Variants in RCHY1 observed in about 807,000 individuals in gnomAD.
RCHY1 encodes the protein RING finger and CHY zinc finger domain-containing protein 1.
In RCHY1, 21 loss-of-function variants were observed where a neutral mutation model predicts 41.6. The ratio of observed to expected loss-of-function variants is 0.51; its 90% CI spans 0.36 to 0.73. RCHY1 has a LOEUF of 0.73. Among genes scored for constraint, RCHY1 ranks in the 30% least tolerant of loss-of-function variants. The pLI is 0.00. For missense variants in RCHY1, 265 were observed against 325.3 expected, an observed-to-expected ratio of 0.81 and a Z score of 1.43; for synonymous variants, 79 against 102.9, an observed-to-expected ratio of 0.77 and a Z score of 1.41.
chr4:75,505,787 A>T (rs1398767979), intron 3 of RCHY1, among the ~76,000 whole-genome samples: 4 of 152,206 alleles, frequency 2.6e-5, no homozygotes, highest in African/African-American at 9.6e-5. Context: ...AGTAGTAAAG[A>T]GCAACTGAGT....
rs910580288 is a variant in RCHY1, at chr4:75,512,980, C to A, written c.90+1217G>T. On this transcript the variant is annotated intron_variant, in intron 1 of 8. Coordinates refer to ENST00000324439, the MANE Select transcript of RCHY1 (RefSeq NM_015436.4). ...TATCTTAGTGCTATGATACACAGAT[C>A]TAATTGTGTGGTTTATGGGGGGCAC... 4.2e-5 allele frequency among the ~76,000 whole-genome samples: 6 copies of A among 143,746 alleles called. No homozygotes were observed. In the South Asian group the frequency reaches 1.3e-3, roughly 32 times the overall value. The allele number at this position is 143,746 out of a possible 152,430, so 94.3% of individuals were successfully genotyped here.
chr4:75,480,351 A>G lies in RCHY1; in HGVS notation c.*2187T>C, dbSNP rs1017695163. The G allele has an allele frequency of 6.6e-6, 1 of 152,186 alleles. No individual in the cohort carries two copies. The highest frequency in any genetic ancestry group is 2.4e-5 in the African/African-American group (1 of 41,450). The allele number at this position is 152,186 out of a possible 1,614,324, so 9.4% of individuals were successfully genotyped here. A position where few individuals can be genotyped will look rare whatever the true frequency, so the allele number is the denominator to read the frequency against. On this transcript the variant is annotated 3_prime_UTR_variant, in exon 9 of 9. Coordinates refer to ENST00000324439, the MANE Select transcript of RCHY1 (RefSeq NM_015436.4). ...AATCTATCAAATCATGAGCGCTTCA[A>G]TGATATGGATGACTAGCTGTGAGGG...
chr4:75,483,535 A>G (rs1721714094), intron 8 of RCHY1, among the ~76,000 whole-genome samples: 1 of 152,186 alleles, frequency 6.6e-6, no homozygotes, highest in Admixed American at 6.6e-5. Flanking sequence ...AACTACATGA[A>G]TATTTTAAAA....
chr4:75,491,647 AAT>A lies in RCHY1; in HGVS notation c.510-12_510-11del. 6.2e-7 allele frequency: 1 copy of A among 1,600,346 alleles called. No homozygotes were observed. The highest frequency in any genetic ancestry group is 1.1e-5 in the South Asian group (1 of 90,202). ...TTCTTCATAACACGTTCTGAAAGAA[AAT>A]ATAAGATTATTTTAGTAAAACAAAA... On this transcript the variant is annotated splice_polypyrimidine_tract_variant and intron_variant, in intron 6 of 8. Transcript: ENST00000324439.
intron 8 of RCHY1, among the ~76,000 whole-genome samples, chr4:75,485,098 G>GT (rs1285984968): frequency 1.8e-4 from 28 of 152,208 alleles, no homozygotes; most frequent in African/African-American, 6.3e-4. Context: ...AGCTAGCCTG[G>GT]ATTAAATGTT....
At chr4:75,495,759 C>T (rs915820316) in intron 3 of RCHY1, among the ~76,000 whole-genome samples, 3 of 152,032 alleles carry the variant, frequency 2.0e-5, no homozygotes, top group Non-Finnish European at 4.4e-5. Flanking sequence ...TCACAAGATG[C>T]TAAATCCATA....
rs1452309501 is a variant in RCHY1 at position 75,492,033 on chromosome 4, A to C, written c.406-100T>G. The C allele has an allele frequency of 3.8e-6, 3 of 798,770 alleles. 1 individual carries two copies. The highest frequency in any genetic ancestry group is 5.8e-6 in the Non-Finnish European group (3 of 520,810). The allele number at this position is 798,770 out of a possible 1,614,324, so 49.5% of individuals were successfully genotyped here. A position where few individuals can be genotyped will look rare whatever the true frequency, so the allele number is the denominator to read the frequency against. ...AAAATTAACAAAACCAACTTACTAA[A>C]AATAATAGCTAACATTAATATATGC... On this transcript the variant is annotated intron_variant, in intron 4 of 8. Transcript: ENST00000324439.
chr4:75,513,899 GGCTGCCTCAGTCTACTTCGGCA>G (rs1355888278), intron 1 of RCHY1: 1 of 257,742 alleles, frequency 3.9e-6, no homozygotes, highest in Non-Finnish European at 7.4e-6. Flanking sequence ...ACAGGCCCGG[GGCTGCCTCAGTCTACTTCGGCA>G]GCAAAAGACG....
chr4:75,500,540 TA>T (rs1723652527), intron 3 of RCHY1, among the ~76,000 whole-genome samples: 1 of 152,222 alleles, frequency 6.6e-6, no homozygotes, highest in Admixed American at 6.5e-5. Flanking sequence ...GAAGCTATTT[TA>T]AAACATAAAT....
intron 3 of RCHY1, among the ~76,000 whole-genome samples, chr4:75,498,396 A>AAAGG (rs1197401998): frequency 2.0e-5 from 3 of 151,578 alleles, no homozygotes; most frequent in African/African-American, 4.8e-5. Flanking sequence ...ACATTTAAAG[A>AAAGG]AAGGAAGGAA....
rs190636191 is a variant in RCHY1 at position 75,480,195 on chromosome 4, T to C, written c.*2343A>G. The C allele has an allele frequency of 6.6e-6, 1 of 152,330 alleles. No homozygotes were observed. The highest frequency in any genetic ancestry group is 1.9e-4 in the East Asian group (1 of 5,180). 9.4% of individuals were successfully genotyped at this position (152,330 alleles called of 1,614,324 possible). On this transcript the variant is annotated 3_prime_UTR_variant, in exon 9 of 9. Transcript: ENST00000324439. ...TTGAAAATTGCTTTAAGTGCATGACTAGACAGCATAAACGAGTGATTGCAT... is the reference window on the plus strand; with the variant it reads ...TTGAAAATTGCTTTAAGTGCATGACCAGACAGCATAAACGAGTGATTGCAT...
At chr4:75,497,679 A>T (rs1461591916) in intron 3 of RCHY1, among the ~76,000 whole-genome samples, 1 of 152,104 alleles carries the variant, frequency 6.6e-6, no homozygotes, top group Non-Finnish European at 1.5e-5. Context: ...GCAATTGGAG[A>T]TCCCTAAGGT....
At chr4:75,487,066 T>C (rs1444695830) in intron 8 of RCHY1, among the ~76,000 whole-genome samples, 3 of 151,858 alleles carry the variant, frequency 2.0e-5, no homozygotes, top group African/African-American at 7.3e-5. Flanking sequence ...TACAGAACGT[T>C]CAAAAGAAAG....
chr4:75,490,494 T>TATC, intron 8 of RCHY1, 87 bp downstream of exon 8: 1 of 711,312 alleles, frequency 1.4e-6, no homozygotes. Context: ...TATATATATA[T>TATC]TTTTTTTTTG....
At chr4:75,506,391 G>T (rs986704292) in intron 3 of RCHY1, among the ~76,000 whole-genome samples, 2 of 151,720 alleles carry the variant, frequency 1.3e-5, no homozygotes, top group Non-Finnish European at 2.9e-5. Flanking sequence ...TCAAGATATT[G>T]GAGTTATTAG....
chr4:75,486,797 A>G (rs1306433366), intron 8 of RCHY1, among the ~76,000 whole-genome samples: 1 of 152,046 alleles, frequency 6.6e-6, no homozygotes, highest in East Asian at 1.9e-4. Context: ...TGGCCAATAC[A>G]GTGAAACCCC....
intron 3 of RCHY1, 92 bp downstream of exon 3, chr4:75,508,728 G>A: frequency 1.6e-6 from 1 of 636,004 alleles, no homozygotes. Flanking sequence ...TATCTTATCA[G>A]ATGTAAATTA....
At chr4:75,486,741 G>A (rs1444474272) in intron 8 of RCHY1, among the ~76,000 whole-genome samples, 1 of 152,176 alleles carries the variant, frequency 6.6e-6, no homozygotes, top group Non-Finnish European at 1.5e-5. Flanking sequence ...GGAGGCCAAG[G>A]AGGCCAAGGC....
At chr4:75,489,023 C>T (rs895966462) in intron 8 of RCHY1, among the ~76,000 whole-genome samples, 17 of 151,514 alleles carry the variant, frequency 1.1e-4, no homozygotes, top group Admixed American at 4.6e-4. Flanking sequence ...TGCAGTGAGC[C>T]GAGATTGTGC....
Sources: gnomAD v4.1 joint callset for allele counts (sites outside exome capture counted in the v4.1 genomes callset) on GRCh38, gnomAD v4.1.1 for gene constraint, MANE v1.5 for transcripts, NCBI Gene and HGNC (gene_info 2026-07-23, HGNC 2026-07-21) for gene names.